CPNE4: variants seen among roughly 807,000 people sequenced by gnomAD.
CPNE4 encodes copine 4, also known as copine-4.
In CPNE4, 25 loss-of-function variants were observed where a neutral mutation model predicts 67.9. The observed-to-expected ratio is 0.37, with a 90% confidence interval of 0.27 to 0.51. The LOEUF (loss-of-function observed/expected upper bound fraction) is 0.51, where lower values mean the gene tolerates loss of function less well. Ranked by LOEUF, CPNE4 falls within the 20% of genes least tolerant of loss-of-function variation. The pLI is 0.93. For synonymous variants in CPNE4, 242 were observed against 244.9 expected (o/e 0.99, Z 0.11); for missense variants, 464 against 690.8 (o/e 0.67, Z 3.68).
chr3:131,699,920 A>G lies in CPNE4; in HGVS notation c.421T>C (p.Ser141Pro), dbSNP rs748210426. ...GAGTGCCTGCTTACCGTGATGGAAG[A>G]TTTCCCTGCTGTGTTCCCATGCTTC... is the stretch of plus-strand genomic sequence containing the variant. ...LLKHGNTAGKSSITVIAEELS... is the reference protein window; with the variant it reads ...LLKHGNTAGKPSITVIAEELS... Residue 141 changes from serine (S) to proline (P), a missense_variant, in exon 4 of 16, where the codon TCT (serine) becomes CCT (proline). Around this residue, in one of 6 missense-constraint regions of CPNE4, gnomAD observed 170 missense variants for 203.3 expected, o/e 0.84. Coordinates refer to ENST00000429747, the MANE Select transcript of CPNE4 (RefSeq NM_130808.3). 1 of 1,613,002 alleles carries G rather than the reference A, an allele frequency of 6.2e-7. No individual in the cohort carries two copies. Among genetic ancestry groups the G allele is most frequent in the Non-Finnish European group, 8.5e-7 (1 of 1,179,374 alleles).
intron 5 of CPNE4, among the ~76,000 whole-genome samples, chr3:131,691,773 G>T (rs1293378762): frequency 1.3e-5 from 2 of 152,068 alleles, no homozygotes; most frequent in Admixed American, 6.6e-5. Flanking sequence ...AAGGCATTTT[G>T]TAAAAAACTG....
intron 7 of CPNE4, among the ~76,000 whole-genome samples, chr3:131,631,519 T>G (rs1370300454): frequency 6.6e-6 from 1 of 152,254 alleles, no homozygotes; most frequent in Non-Finnish European, 1.5e-5. Flanking sequence ...GAAATTACTT[T>G]GTGACTCTGT....
At chr3:131,709,402 G>A (rs763090073) in intron 3 of CPNE4, among the ~76,000 whole-genome samples, 18 of 152,148 alleles carry the variant, frequency 1.2e-4, no homozygotes, top group Non-Finnish European at 2.5e-4. Flanking sequence ...AGAGATCCCA[G>A]CAGTTGCTAG....
Position 131,555,526 on chromosome 3 carries a change from A to G in CPNE4, c.1087T>C (p.Phe363Leu). Residue 363 changes from phenylalanine to leucine, a missense_variant, in exon 12 of 16, where the codon TTT (phenylalanine) becomes CTT (leucine). By Grantham distance (22) the Phe-to-Leu change is conservative. This residue lies in a region of CPNE4 where 201 missense variants were observed against 357.7 expected (regional missense o/e 0.56). Transcript: ENST00000429747. ...DSDKMFPAFGFGARIPPEYTV... is the reference protein window; with the variant it reads ...DSDKMFPAFGLGARIPPEYTV... ...TACTCTGGAGGTATCCTGGCGCCAA[A>G]CCCAAAGGCAGGGAACATTTTGTCA... The G allele has an allele frequency of 6.2e-7, 1 of 1,612,796 alleles. No homozygotes were observed. The highest frequency in any genetic ancestry group is 8.5e-7 in the Non-Finnish European group (1 of 1,179,282).
At chr3:131,860,773 T>C (rs1055825051) in intron 2 of CPNE4, among the ~76,000 whole-genome samples, 6 of 152,176 alleles carry the variant, frequency 3.9e-5, no homozygotes, top group African/African-American at 1.4e-4. Context: ...TGTGTGCCAA[T>C]CAATGCAAAC....
At chr3:131,609,836 G>C (rs1939730366) in intron 7 of CPNE4, among the ~76,000 whole-genome samples, 1 of 151,956 alleles carries the variant, frequency 6.6e-6, no homozygotes, top group African/African-American at 2.4e-5. Flanking sequence ...TAGTAAAATG[G>C]CTATAGCTTT....
intron 1 of CPNE4, among the ~76,000 whole-genome samples, chr3:131,912,798 A>T (rs1180199587): frequency 6.6e-6 from 1 of 152,138 alleles, no homozygotes; most frequent in Non-Finnish European, 1.5e-5. Context: ...CCATCATCAC[A>T]AATCACCTGG....
intron 2 of CPNE4, among the ~76,000 whole-genome samples, chr3:131,767,813 AAAAC>A (rs1324254119): frequency 3.3e-5 from 5 of 151,756 alleles, no homozygotes; most frequent in Non-Finnish European, 7.4e-5. Context: ...TTTTTTAGGA[AAAAC>A]ACATTTTGAG....
At chr3:131,846,157 A>T (rs141541226) in intron 2 of CPNE4, among the ~76,000 whole-genome samples, 26 of 152,320 alleles carry the variant, frequency 1.7e-4, no homozygotes, top group African/African-American at 6.0e-4. Flanking sequence ...CCTATATGTA[A>T]AAATATAGTA....
chr3:131,590,735 T>C (rs1938473807), intron 7 of CPNE4, among the ~76,000 whole-genome samples: 1 of 152,254 alleles, frequency 6.6e-6, no homozygotes, highest in South Asian at 2.1e-4. Flanking sequence ...AAAAATGTAG[T>C]AAAGTCAAGC....
chr3:131,917,043 C>T (rs115511873), intron 1 of CPNE4, among the ~76,000 whole-genome samples: 1 of 152,196 alleles, frequency 6.6e-6, no homozygotes, highest in African/African-American at 2.4e-5. Flanking sequence ...GTGGTGACTG[C>T]CCATCTTACT....
At chr3:131,950,998 T>G (rs902689691) in intron 1 of CPNE4, among the ~76,000 whole-genome samples, 9 of 152,352 alleles carry the variant, frequency 5.9e-5, no homozygotes, top group Non-Finnish European at 1.2e-4. Context: ...TGTTGTTTGT[T>G]GACTGGTTTG....
At chr3:131,812,981 T>C (rs2084595777) in intron 2 of CPNE4, among the ~76,000 whole-genome samples, 1 of 152,186 alleles carries the variant, frequency 6.6e-6, no homozygotes, top group Non-Finnish European at 1.5e-5. Flanking sequence ...TGAATAAGGA[T>C]ACTTAAAGAA....
rs2080007907 is a variant in CPNE4 at position 131,657,613 on chromosome 3, C to A, written c.681+12062G>T. 1.3e-5 allele frequency among the ~76,000 whole-genome samples: 2 copies of A among 149,142 alleles called. 1 individual carries two copies. The highest frequency in any genetic ancestry group is 3.0e-5 in the Non-Finnish European group (2 of 67,716). On this transcript the variant is annotated intron_variant, in intron 7 of 15. Transcript: ENST00000429747. ...GCAGTGGTGTGATCTCGACTCACTGCAACCTCCAACTCACTGGTTCAAGAG... is the reference window on the plus strand; with the variant it reads ...GCAGTGGTGTGATCTCGACTCACTGAAACCTCCAACTCACTGGTTCAAGAG...
chr3:131,768,935 T>C (rs938573054), intron 2 of CPNE4, among the ~76,000 whole-genome samples: 11 of 152,168 alleles, frequency 7.2e-5, no homozygotes, highest in Admixed American at 2.0e-4. Context: ...ATGTTTTAAA[T>C]ATTTAATAGG....
At chr3:131,645,368 A>T (rs1032152929) in intron 7 of CPNE4, among the ~76,000 whole-genome samples, 9 of 152,172 alleles carry the variant, frequency 5.9e-5, no homozygotes, top group African/African-American at 1.7e-4. Context: ...GTTTCATTTC[A>T]TCTGATGTCT....
chr3:131,961,369 GGT>G (rs1022872098), intron 1 of CPNE4, among the ~76,000 whole-genome samples: 12 of 152,088 alleles, frequency 7.9e-5, no homozygotes, highest in African/African-American at 2.9e-4. Flanking sequence ...TTTTATCACT[GGT>G]TAAAGAGCAG....
intron 2 of CPNE4, among the ~76,000 whole-genome samples, chr3:131,848,238 C>G (rs2086080341): frequency 6.6e-6 from 1 of 152,096 alleles, no homozygotes; most frequent in Admixed American, 6.6e-5. Flanking sequence ...GCAAAGCCTT[C>G]CTCTAGTTGA....
chr3:131,849,953 T>C (rs2086172020), intron 2 of CPNE4, among the ~76,000 whole-genome samples: 1 of 152,140 alleles, frequency 6.6e-6, no homozygotes, highest in Non-Finnish European at 1.5e-5. Flanking sequence ...AACCCAGGCA[T>C]AAAAAGCTAG....
Sources: allele counts gnomAD v4.1 joint callset (sites outside exome capture counted in the v4.1 genomes callset), GRCh38; gene constraint gnomAD v4.1.1; regional missense constraint gnomAD v4.1.1; transcripts MANE v1.5; gene names NCBI Gene and HGNC (gene_info 2026-07-23, HGNC 2026-07-21).